The following FAT4 variants were observed in gnomAD, a reference collection of about 807,000 sequenced individuals.
FAT4 encodes the protein protocadherin Fat 4.
A neutral mutation model predicts 303.9 loss-of-function variants in FAT4; 84 were observed. That is an observed-to-expected ratio of 0.28 (90% CI 0.23 to 0.33). The LOEUF (loss-of-function observed/expected upper bound fraction) is 0.33, where lower values mean the gene tolerates loss of function less well. FAT4 is among the 10% of genes least tolerant of loss of function. The pLI, the probability that FAT4 is intolerant of heterozygous loss-of-function variation, is 1.00. For missense variants in FAT4, 6,005 were observed against 6,146.8 expected (o/e 0.98, Z 0.77); for synonymous variants, 2,307 against 2,298.8 (o/e 1.00, Z -0.10).
intron 16 of FAT4, among the ~76,000 whole-genome samples, chr4:125,482,936 C>A (rs2126088342): frequency 6.6e-6 from 1 of 152,176 alleles, no homozygotes; most frequent in South Asian, 2.1e-4. Flanking sequence ...ATAGATTTTA[C>A]CCCCATGGGA....
At chr4:125,370,766 A>G (rs1161571961) in intron 2 of FAT4, among the ~76,000 whole-genome samples, 1 of 152,184 alleles carries the variant, frequency 6.6e-6, no homozygotes, top group Non-Finnish European at 1.5e-5. Flanking sequence ...CAAAATTTTC[A>G]AAGTTTGAAA....
rs573302501 is a variant in FAT4, at chr4:125,425,291, A to G, written c.7018+8669A>G. Reference sequence around the variant, plus strand: ...ACTAAACAACTTGTACTGCCCATTCAGCTGTTTGTCAGTGACTACAGGATT... The same window carrying G: ...ACTAAACAACTTGTACTGCCCATTCGGCTGTTTGTCAGTGACTACAGGATT... On this transcript the variant is annotated intron_variant, in intron 7 of 17. Transcript: ENST00000394329. 2.0e-5 allele frequency among the ~76,000 whole-genome samples: 3 copies of G among 152,286 alleles called. No individual in the cohort carries two copies. In the South Asian group the frequency reaches 6.2e-4, roughly 32 times the overall value.
At chr4:125,453,303 C>T (rs115219637) in intron 10 of FAT4, among the ~76,000 whole-genome samples, 3,564 of 152,194 alleles carry the variant, frequency 0.023, 59 homozygotes, top group Middle Eastern at 0.041. Context: ...GTTGTTGATT[C>T]TTTATCATCA....
chr4:125,410,987 T>C (rs1288835736), intron 5 of FAT4, among the ~76,000 whole-genome samples: 1 of 152,102 alleles, frequency 6.6e-6, no homozygotes, highest in Non-Finnish European at 1.5e-5. Context: ...GATAAGGCTA[T>C]ACAAAGGTAA....
At position 125,491,467 on chromosome 4, in the gene FAT4, A is replaced by G; in HGVS notation, c.14651A>G (p.Asp4884Gly). 2 of 1,614,192 alleles carry G rather than the reference A, an allele frequency of 1.2e-6. No homozygotes were observed. Among genetic ancestry groups the G allele is most frequent in the Non-Finnish European group, 1.7e-6 (2 of 1,180,034 alleles). ...AATGAATCTGATGCAGATGATGAAG[A>G]TAATTATGGAGCCAGACTGAAGCCT... ...QVNESDADDE[D>G]NYGARLKPRR... The change falls in exon 18 of 18, where the codon GAT becomes GGT. Residue 4884 changes from aspartate to glycine, a missense_variant. Asp to Gly is a moderately conservative substitution (Grantham distance 94). Coordinates refer to ENST00000394329, the MANE Select transcript of FAT4 (RefSeq NM_001291303.3).
intron 2 of FAT4, among the ~76,000 whole-genome samples, chr4:125,389,037 T>C (rs1459597080): frequency 1.3e-5 from 2 of 152,210 alleles, no homozygotes; most frequent in African/African-American, 4.8e-5. Flanking sequence ...CACAGTTATA[T>C]ACATGTAGCT....
intron 7 of FAT4, among the ~76,000 whole-genome samples, chr4:125,419,116 G>T (rs980956855): frequency 1.3e-5 from 2 of 151,992 alleles, no homozygotes; most frequent in Non-Finnish European, 2.9e-5. Context: ...CTTCATGTTT[G>T]TATCTATGAT....
intron 7 of FAT4, among the ~76,000 whole-genome samples, chr4:125,430,607 T>C (rs2893131): frequency 0.99 from 151,079 of 152,128 alleles, 75,025 homozygotes; most frequent in Middle Eastern, 1. Flanking sequence ...TTTCCTGGGG[T>C]AATAAGAAAG....
Position 125,365,072 on chromosome 4 carries a change from G to A in FAT4, c.5176-33712G>A, listed in dbSNP as rs561378158. On this transcript the variant is annotated intron_variant, in intron 2 of 17. Transcript: ENST00000394329. Reference sequence around the variant, plus strand: ...TCCTGGTATTTCTTGATGACGAATTGAATGTAGATGTGGAAGATGATGGAA... The same window carrying A: ...TCCTGGTATTTCTTGATGACGAATTAAATGTAGATGTGGAAGATGATGGAA... 3.3e-5 allele frequency among the ~76,000 whole-genome samples: 5 copies of A among 152,230 alleles called. No homozygotes were observed. The East Asian group carries it at 7.8e-4, about 24-fold the overall frequency.
intron 5 of FAT4, among the ~76,000 whole-genome samples, chr4:125,413,619 T>C (rs1734929294): frequency 7.7e-6 from 1 of 129,828 alleles, no homozygotes. Context: ...TGTGGCGTTT[T>C]TAAAAACATT....
intron 2 of FAT4, among the ~76,000 whole-genome samples, chr4:125,329,982 C>G (rs1198861903): frequency 6.6e-6 from 1 of 152,168 alleles, no homozygotes; most frequent in East Asian, 1.9e-4. Context: ...CTGTTAGTAA[C>G]TTGGTCTAAG....
chr4:125,430,812 G>A (rs1318406537), intron 7 of FAT4, among the ~76,000 whole-genome samples: 2 of 152,276 alleles, frequency 1.3e-5, no homozygotes, highest in East Asian at 3.9e-4. Context: ...GTGGCTTAAG[G>A]ATCATCTGCC....
intron 2 of FAT4, among the ~76,000 whole-genome samples, chr4:125,379,301 A>G (rs549964770): frequency 6.6e-6 from 1 of 151,518 alleles, no homozygotes; most frequent in South Asian, 2.1e-4. Flanking sequence ...TTATTTTCCT[A>G]AAGGGAAATT....
chr4:125,428,400 G>T (rs977651193), intron 7 of FAT4, among the ~76,000 whole-genome samples: 3 of 152,146 alleles, frequency 2.0e-5, no homozygotes, highest in Admixed American at 6.5e-5. Context: ...TAGTTTAATG[G>T]TTTTTCATAC....
chr4:125,456,493 A>G (rs1726284304), intron 10 of FAT4, among the ~76,000 whole-genome samples: 1 of 148,118 alleles, frequency 6.8e-6, no homozygotes, highest in Non-Finnish European at 1.5e-5. Flanking sequence ...ATTCTGTATG[A>G]AAAAAACCAT....
chr4:125,461,086 A>G (rs952460007), intron 10 of FAT4, among the ~76,000 whole-genome samples: 1 of 151,970 alleles, frequency 6.6e-6, no homozygotes, highest in African/African-American at 2.4e-5. Flanking sequence ...CTTTGTAATC[A>G]CTGTATGTTT....
chr4:125,403,399 A>G (rs1043731460), intron 3 of FAT4, among the ~76,000 whole-genome samples: 6 of 152,076 alleles, frequency 3.9e-5, no homozygotes, highest in Admixed American at 3.9e-4. Flanking sequence ...TGATTGTAAT[A>G]TACAGAATTA....
At chr4:125,378,162 T>C (rs1733405879) in intron 2 of FAT4, among the ~76,000 whole-genome samples, 1 of 152,124 alleles carries the variant, frequency 6.6e-6, no homozygotes, top group Admixed American at 6.5e-5. Context: ...GTTAGACATA[T>C]AAACCAATGG....
chr4:125,367,123 C>T (rs773151583), intron 2 of FAT4, among the ~76,000 whole-genome samples: 1 of 151,776 alleles, frequency 6.6e-6, no homozygotes, highest in African/African-American at 2.4e-5. Context: ...TATAAATAAA[C>T]CAGAAGTTTC....
Sources: allele counts gnomAD v4.1 joint callset (sites outside exome capture counted in the v4.1 genomes callset), GRCh38; gene constraint gnomAD v4.1.1; transcripts MANE v1.5; gene names NCBI Gene and HGNC (gene_info 2026-07-23, HGNC 2026-07-21).